Variants in CSMD3 observed in about 807,000 individuals in gnomAD.
The protein encoded by CSMD3 is CUB and sushi domain-containing protein 3.
CSMD3 carries 177 observed loss-of-function variants against 435.2 expected under a neutral mutation model. The ratio of observed to expected loss-of-function variants is 0.41; its 90% CI spans 0.36 to 0.46. The LOEUF is 0.46. Ranked by LOEUF, CSMD3 falls within the 20% of genes least tolerant of loss-of-function variation. CSMD3 has a pLI of 0.34. For missense variants in CSMD3, 4,265 were observed against 4,504.6 expected (o/e 0.95, Z 1.52); for synonymous variants, 1,656 against 1,520.5 (o/e 1.09, Z -2.07).
chr8:112,248,869 T>A (rs1333508560), intron 63 of CSMD3, among the ~76,000 whole-genome samples: 1 of 152,070 alleles, frequency 6.6e-6, no homozygotes, highest in Non-Finnish European at 1.5e-5. Context: ...CTCTAGAAGA[T>A]CTCTTATCCC....
intron 4 of CSMD3, among the ~76,000 whole-genome samples, chr8:113,154,948 C>T (rs547922924): frequency 6.6e-6 from 1 of 152,012 alleles, no homozygotes; most frequent in African/African-American, 2.4e-5. Context: ...GGACATTTTC[C>T]TCAGAAAGTT....
At chr8:112,296,029 A>AT (rs778150928) in intron 53 of CSMD3, 23 bp from the exon 54 acceptor site, 2 of 1,565,972 alleles carry the variant, frequency 1.3e-6, no homozygotes, top group South Asian at 1.1e-5. Context: ...ATAAAGTAAT[A>AT]TTTTTAATAC....
chr8:112,874,487 A>G (rs2081224695), intron 10 of CSMD3, among the ~76,000 whole-genome samples: 1 of 151,886 alleles, frequency 6.6e-6, no homozygotes, highest in Non-Finnish European at 1.5e-5. Context: ...CATTAATCTA[A>G]TATTGGCAGT....
At chr8:112,334,061 T>C (rs1050358535) in intron 45 of CSMD3, among the ~76,000 whole-genome samples, 1 of 152,180 alleles carries the variant, frequency 6.6e-6, no homozygotes, top group African/African-American at 2.4e-5. Context: ...AATTATTTTT[T>C]TAAAAAAAAC....
chr8:112,403,431 A>G (rs563237473), intron 35 of CSMD3, among the ~76,000 whole-genome samples: 1 of 152,184 alleles, frequency 6.6e-6, no homozygotes. Context: ...GCTCTTTTAG[A>G]CAATTCAGGC....
At chr8:113,412,104 T>C (rs1384965925) in intron 1 of CSMD3, among the ~76,000 whole-genome samples, 1 of 151,982 alleles carries the variant, frequency 6.6e-6, no homozygotes, top group African/African-American at 2.4e-5. Flanking sequence ...ACCTGTAGAG[T>C]GTTTGATGTT....
At chr8:112,429,529 T>C (rs1813437079) in intron 32 of CSMD3, among the ~76,000 whole-genome samples, 1 of 152,080 alleles carries the variant, frequency 6.6e-6, no homozygotes, top group Non-Finnish European at 1.5e-5. Flanking sequence ...ATGAGTGCTA[T>C]GACCCCAGAG....
At chr8:112,552,986 G>C (rs1401925079) in intron 25 of CSMD3, among the ~76,000 whole-genome samples, 1 of 152,088 alleles carries the variant, frequency 6.6e-6, no homozygotes, top group African/African-American at 2.4e-5. Flanking sequence ...CTCTGAGTTA[G>C]GATTCCAAAC....
At chr8:112,592,154 A>G (rs1188271917) in intron 22 of CSMD3, among the ~76,000 whole-genome samples, 1 of 151,976 alleles carries the variant, frequency 6.6e-6, no homozygotes, top group African/African-American at 2.4e-5. Context: ...GTTCTTCAGA[A>G]ATTTTTAGTC....
At chr8:113,377,018 T>C in intron 1 of CSMD3, 2 of 164,510 alleles carry the variant, frequency 1.2e-5, no homozygotes, top group Admixed American at 2.2e-4. Context: ...TTCTAGGGAG[T>C]GGGGTGGGGT....
intron 28 of CSMD3, 148 bp from the exon 29 acceptor site, chr8:112,506,977 A>C: frequency 2.9e-6 from 2 of 697,614 alleles, no homozygotes; most frequent in Non-Finnish European, 4.9e-6. Context: ...ATACAGCATT[A>C]TGTTTCAAGA....
chr8:112,727,409 A>T (rs2076988519), intron 13 of CSMD3, among the ~76,000 whole-genome samples: 1 of 151,856 alleles, frequency 6.6e-6, no homozygotes, highest in Admixed American at 6.6e-5. Flanking sequence ...GCTCCTTTCC[A>T]ACTCTGTCTA....
intron 57 of CSMD3, among the ~76,000 whole-genome samples, chr8:112,289,134 A>G (rs1819513529): frequency 6.6e-6 from 1 of 152,136 alleles, no homozygotes; most frequent in Admixed American, 6.6e-5. Flanking sequence ...AATTAGCAAC[A>G]CAGTTCAAAA....
chr8:113,150,994 G>A (rs2091792284), intron 4 of CSMD3, among the ~76,000 whole-genome samples: 1 of 151,726 alleles, frequency 6.6e-6, no homozygotes, highest in Non-Finnish European at 1.5e-5. Flanking sequence ...CATAATCAGG[G>A]AATTTAGCAC....
chr8:112,844,439 C>T (rs2080261839), intron 11 of CSMD3, among the ~76,000 whole-genome samples: 3 of 151,924 alleles, frequency 2.0e-5, no homozygotes, highest in Admixed American at 2.0e-4. Context: ...TCTCTTGTAG[C>T]TAAGTATGAG....
At chr8:112,557,066 C>T in intron 24 of CSMD3, 112 bp from the exon 25 acceptor site, 1 of 691,624 alleles carries the variant, frequency 1.4e-6, no homozygotes, top group South Asian at 1.7e-5. Flanking sequence ...TATTCTTAGT[C>T]ATATTGCCCT....
chr8:112,730,904 T>G lies in CSMD3; in HGVS notation c.1973-40854A>C, dbSNP rs142587115. On this transcript the variant is annotated intron_variant, in intron 13 of 70. Coordinates refer to ENST00000297405, the MANE Select transcript of CSMD3 (RefSeq NM_198123.2). ...TCCCAGGAAACTGTTCACAGTGCTCTTGAAACCACACGGGAGAACGTACCT... is the reference window on the plus strand; with the variant it reads ...TCCCAGGAAACTGTTCACAGTGCTCGTGAAACCACACGGGAGAACGTACCT... Among the ~76,000 whole-genome samples, 3 of 152,224 alleles carry G rather than the reference T, an allele frequency of 2.0e-5. No homozygotes were observed. In the East Asian group the frequency reaches 5.8e-4, roughly 29 times the overall value.
chr8:112,699,380 AT>A (rs1207931057), intron 13 of CSMD3, among the ~76,000 whole-genome samples: 1 of 152,190 alleles, frequency 6.6e-6, no homozygotes, highest in East Asian at 1.9e-4. Flanking sequence ...CCACGGCTTC[AT>A]GCTTGAAGTC....
chr8:112,911,613 T>C (rs1424850359), intron 10 of CSMD3, among the ~76,000 whole-genome samples: 4 of 141,538 alleles, frequency 2.8e-5, no homozygotes, highest in Admixed American at 2.2e-4. Context: ...TGAATTGTAT[T>C]CCATTGTGTG....
Sources: gnomAD v4.1 joint callset for allele counts (sites outside exome capture counted in the v4.1 genomes callset) on GRCh38, gnomAD v4.1.1 for gene constraint, MANE v1.5 for transcripts, NCBI Gene and HGNC (gene_info 2026-07-23, HGNC 2026-07-21) for gene names.